The following GRIA1 variants were observed in gnomAD, a reference collection of about 807,000 sequenced individuals.
GRIA1 encodes glutamate ionotropic receptor AMPA type subunit 1, also known as glutamate receptor 1.
Under a neutral mutation model 99.2 loss-of-function variants are expected in GRIA1, and 31 were observed. That is an observed-to-expected ratio of 0.31 (90% CI 0.23 to 0.42). The LOEUF is 0.42. GRIA1 is among the 10% of genes least tolerant of loss of function. GRIA1 has a pLI of 1.00. For synonymous variants in GRIA1, 438 were observed against 432.4 expected, an observed-to-expected ratio of 1.01 and a Z score of -0.16; for missense variants, 782 against 1,157.5, an observed-to-expected ratio of 0.68 and a Z score of 4.71.
At chr5:153,667,524 GA>G (rs1293595103) in intron 5 of GRIA1, among the ~76,000 whole-genome samples, 1 of 152,192 alleles carries the variant, frequency 6.6e-6, no homozygotes, top group Non-Finnish European at 1.5e-5. Context: ...TGATAATGGT[GA>G]ATGTGATGAT....
chr5:153,608,303 G>T (rs1581320451), intron 2 of GRIA1, among the ~76,000 whole-genome samples: 1 of 152,002 alleles, frequency 6.6e-6, no homozygotes, highest in Admixed American at 6.6e-5. Flanking sequence ...CTTTTGTCAG[G>T]TTTGGAGAGC....
intron 11 of GRIA1, among the ~76,000 whole-genome samples, chr5:153,743,890 T>C (rs1761978665): frequency 6.6e-6 from 1 of 152,198 alleles, no homozygotes; most frequent in Admixed American, 6.5e-5. Flanking sequence ...GATAATCTCA[T>C]GCTCATTGGA....
chr5:153,627,533 T>C (rs558303634), intron 2 of GRIA1, among the ~76,000 whole-genome samples: 11 of 152,240 alleles, frequency 7.2e-5, no homozygotes, highest in African/African-American at 2.6e-4. Context: ...GAATCAGTCT[T>C]TCTTCCCCAG....
intron 2 of GRIA1, among the ~76,000 whole-genome samples, chr5:153,535,080 C>G (rs1758443421): frequency 6.6e-6 from 1 of 152,086 alleles, no homozygotes; most frequent in African/African-American, 2.4e-5. Flanking sequence ...CATCACCATG[C>G]CTGGCAAAGT....
intron 7 of GRIA1, among the ~76,000 whole-genome samples, chr5:153,683,132 G>C (rs1757104448): frequency 2.0e-5 from 3 of 152,172 alleles, no homozygotes; most frequent in Admixed American, 6.5e-5. Context: ...CCAGATCCCA[G>C]AGCTCAGACC....
chr5:153,610,411 T>C (rs1201741880), intron 2 of GRIA1, among the ~76,000 whole-genome samples: 1 of 152,252 alleles, frequency 6.6e-6, no homozygotes, highest in Non-Finnish European at 1.5e-5. Flanking sequence ...GTTACTGGAA[T>C]GGAGGAAAAC....
intron 11 of GRIA1, among the ~76,000 whole-genome samples, chr5:153,706,518 A>G (rs1173931487): frequency 6.6e-6 from 1 of 152,232 alleles, no homozygotes; most frequent in African/African-American, 2.4e-5. Flanking sequence ...AATGTTGAAT[A>G]TCTTGCCAAT....
chr5:153,529,615 A>T (rs955843059), intron 2 of GRIA1, among the ~76,000 whole-genome samples: 5 of 152,192 alleles, frequency 3.3e-5, no homozygotes, highest in African/African-American at 1.2e-4. Flanking sequence ...ACACCCTAAA[A>T]GTTGAGGGCA....
chr5:153,808,391 G>A (rs1394881410), intron 15 of GRIA1, among the ~76,000 whole-genome samples: 3 of 151,862 alleles, frequency 2.0e-5, no homozygotes, highest in Non-Finnish European at 4.4e-5. Flanking sequence ...GACGGGGGGC[G>A]GGGAGTGGGG....
chr5:153,671,281 A>G (rs1365915405), intron 5 of GRIA1, among the ~76,000 whole-genome samples: 1 of 152,226 alleles, frequency 6.6e-6, no homozygotes, highest in Non-Finnish European at 1.5e-5. Flanking sequence ...TGAAATGCCC[A>G]GGACCTTGTT....
At chr5:153,728,256 G>C (rs1396643657) in intron 11 of GRIA1, among the ~76,000 whole-genome samples, 1 of 151,700 alleles carries the variant, frequency 6.6e-6, no homozygotes, top group South Asian at 2.1e-4. Context: ...AGACTTAAAC[G>C]TTAGACCTAA....
At chr5:153,550,687 A>G (rs1292730296) in intron 2 of GRIA1, among the ~76,000 whole-genome samples, 1 of 152,136 alleles carries the variant, frequency 6.6e-6, no homozygotes, top group Non-Finnish European at 1.5e-5. Flanking sequence ...AAATAACTTT[A>G]CCTGTTCCTC....
chr5:153,774,966 A>T (rs1442603153), intron 13 of GRIA1, among the ~76,000 whole-genome samples: 1 of 152,182 alleles, frequency 6.6e-6, no homozygotes, highest in Non-Finnish European at 1.5e-5. Flanking sequence ...TTTGAAACAG[A>T]TGCTGTTTGT....
At chr5:153,688,678 C>G (rs1757515188) in intron 8 of GRIA1, among the ~76,000 whole-genome samples, 1 of 152,070 alleles carries the variant, frequency 6.6e-6, no homozygotes, top group Non-Finnish European at 1.5e-5. Flanking sequence ...GAAGGGACAC[C>G]AAATATGTGA....
At chr5:153,735,693 G>A (rs1438093188) in intron 11 of GRIA1, among the ~76,000 whole-genome samples, 1 of 152,146 alleles carries the variant, frequency 6.6e-6, no homozygotes, top group Non-Finnish European at 1.5e-5. Context: ...TGGATGGGGT[G>A]ACTGCTGTGG....
At chr5:153,635,271 A>G (rs937963280) in intron 2 of GRIA1, among the ~76,000 whole-genome samples, 31 of 152,188 alleles carry the variant, frequency 2.0e-4, no homozygotes, top group African/African-American at 7.5e-4. Flanking sequence ...CGGATGATTT[A>G]CCTGGTGTTC....
At chr5:153,777,328 C>T (rs1335525467) in intron 13 of GRIA1, among the ~76,000 whole-genome samples, 1 of 152,064 alleles carries the variant, frequency 6.6e-6, no homozygotes, top group Non-Finnish European at 1.5e-5. Context: ...GGGAGATGAC[C>T]AGGAATCCTC....
chr5:153,785,496 A>G (rs1764916721), intron 13 of GRIA1, among the ~76,000 whole-genome samples: 1 of 152,222 alleles, frequency 6.6e-6, no homozygotes, highest in African/African-American at 2.4e-5. Context: ...AACAAAAAAA[A>G]TTACCGTCTC....
intron 2 of GRIA1, among the ~76,000 whole-genome samples, chr5:153,634,009 T>C (rs911746170): frequency 3.8e-4 from 58 of 152,014 alleles, no homozygotes; most frequent in African/African-American, 1.3e-3. Context: ...AGAAACAAGG[T>C]ACCGCAATAG....
Sources: gnomAD v4.1 joint callset for allele counts (sites outside exome capture counted in the v4.1 genomes callset) on GRCh38, gnomAD v4.1.1 for gene constraint, MANE v1.5 for transcripts, NCBI Gene and HGNC (gene_info 2026-07-23, HGNC 2026-07-21) for gene names.